Variants in TFRC observed in about 807,000 individuals in gnomAD.
TFRC encodes the protein transferrin receptor.
In TFRC, 35 loss-of-function variants were observed where a neutral mutation model predicts 85.8. That is an observed-to-expected ratio of 0.41 (90% confidence interval 0.31 to 0.54). The LOEUF is 0.54. Among genes scored for constraint, TFRC ranks in the 20% least tolerant of loss-of-function variants. The pLI is 0.31. For missense variants in TFRC, 828 were observed against 921.5 expected (o/e 0.90, Z 1.31); for synonymous variants, 362 against 328.6 (o/e 1.10, Z -1.10).
intron 14 of TFRC, among the ~76,000 whole-genome samples, chr3:196,059,579 A>G (rs1344593648): frequency 6.6e-6 from 1 of 151,970 alleles, no homozygotes; most frequent in Non-Finnish European, 1.5e-5. Flanking sequence ...CTCTAATCCC[A>G]TTAGGCAAAT....
chr3:196,064,714 A>C (rs751676840), intron 10 of TFRC, among the ~76,000 whole-genome samples: 10 of 152,198 alleles, frequency 6.6e-5, no homozygotes, highest in Non-Finnish European at 1.2e-4. Flanking sequence ...ATTGCATTTA[A>C]AGTTAACTCC....
intron 13 of TFRC, 174 bp from the exon 14 acceptor site, chr3:196,060,421 G>A (rs992601176): frequency 6.6e-6 from 4 of 610,550 alleles, no homozygotes; most frequent in South Asian, 2.0e-5. Flanking sequence ...AAGCTCTTTA[G>A]CAACTAAGCT....
chr3:196,066,208 C>T (rs1385491006), intron 9 of TFRC, among the ~76,000 whole-genome samples: 1 of 152,146 alleles, frequency 6.6e-6, no homozygotes, highest in Non-Finnish European at 1.5e-5. Context: ...AAATGAAGTT[C>T]TTCTAATATA....
chr3:196,055,646 T>C (rs1195496069), intron 16 of TFRC: 3 of 337,516 alleles, frequency 8.9e-6, no homozygotes, highest in East Asian at 6.9e-5. Context: ...AAAGAGAAGA[T>C]ACATGAAACA....
rs752460628 is a variant in TFRC at position 196,053,437 on chromosome 3, A to T, written c.2021T>A (p.Leu674His). 2 of 1,614,158 alleles carry T rather than the reference A, an allele frequency of 1.2e-6. No homozygotes were observed. The highest frequency in any genetic ancestry group is 1.7e-5 in the Admixed American group (1 of 60,018). ...ACTTACTCTCATGACACGATCATTG[A>T]GTTTCTTCATGACAAATCTGTCTGT... ...EKTDRFVMKK[L>H]NDRVMRVEYH... is the part of the protein sequence containing the mutation. The change falls in exon 18 of 19, where the codon CTC becomes CAC. Residue 674 changes from leucine (L) to histidine (H), a missense_variant. Transcript: ENST00000360110.
chr3:196,054,058 A>G (rs556492676), intron 17 of TFRC, among the ~76,000 whole-genome samples: 1 of 152,018 alleles, frequency 6.6e-6, no homozygotes, highest in Non-Finnish European at 1.5e-5. Flanking sequence ...CCAACATGGT[A>G]AAACCCCGGC....
rs1412651588 is a variant in TFRC at position 196,049,660 on chromosome 3, A to ATG, written c.*2280_*2281dup. 4.4e-6 allele frequency: 1 copy of ATG among 228,516 alleles called. No homozygotes were observed. The highest frequency in any genetic ancestry group is 8.7e-6 in the Non-Finnish European group (1 of 115,182). The allele number at this position is 228,516 out of a possible 1,614,324, so 14.2% of individuals were successfully genotyped here. A position where few individuals can be genotyped will look rare whatever the true frequency, so the allele number is the denominator to read the frequency against. ...GAAGAGACTCACTGCTGCAAAATGC[A>ATG]TGCCCTGTATTCATATTGTGTTATA... On this transcript the variant is annotated 3_prime_UTR_variant, in exon 19 of 19. Transcript: ENST00000360110.
Position 196,066,523 on chromosome 3 carries a change from G to A in TFRC, c.1041-923C>T, listed in dbSNP as rs1269174499. ...TACCCAAATAATAGCTGCTCCTAAG[G>A]GGGCTTACTTACATAAATATAGGTT... On this transcript the variant is annotated intron_variant, in intron 9 of 18. Transcript: ENST00000360110. Among the ~76,000 whole-genome samples the A allele has an allele frequency of 3.3e-5, 5 of 152,230 alleles. No individual in the cohort carries two copies. The East Asian group carries it at 7.7e-4, about 24-fold the overall frequency.
At chr3:196,068,776 A>T (rs927232137) in intron 7 of TFRC, among the ~76,000 whole-genome samples, 3 of 151,112 alleles carry the variant, frequency 2.0e-5, no homozygotes, top group African/African-American at 7.3e-5. Flanking sequence ...AAAAATGCAA[A>T]AATTAGCCAG....
intron 10 of TFRC, among the ~76,000 whole-genome samples, chr3:196,064,833 A>C (rs934262731): frequency 6.6e-6 from 1 of 152,250 alleles, no homozygotes; most frequent in Non-Finnish European, 1.5e-5. Flanking sequence ...ATAGCCTGGC[A>C]AAAGGTTTAT....
In TFRC at chr3:196,055,185, C is replaced by T; in HGVS notation, c.1794G>A (p.Val598=). 6 of 1,614,208 alleles carry T rather than the reference C, an allele frequency of 3.7e-6. No individual in the cohort carries two copies. Among genetic ancestry groups the T allele is most frequent in the Non-Finnish European group, 4.2e-6 (5 of 1,180,038 alleles). Residue 598 remains valine, a synonymous_variant, in exon 17 of 19, where the codon GTG becomes GTA. Coordinates refer to ENST00000360110, the MANE Select transcript of TFRC (RefSeq NM_001128148.3). ...RAAAEVAGQF[V]IKLTHDVELN... Reference sequence around the variant, plus strand: ...ATTCAACATCATGGGTTAGTTTAATCACGAACTGACCAGCGACCTCTGCAG... The same window carrying T: ...ATTCAACATCATGGGTTAGTTTAATTACGAACTGACCAGCGACCTCTGCAG...
In TFRC at chr3:196,050,277, A is replaced by G. The variant is rs920218029; in HGVS notation, c.*1665T>C. 16 of 222,036 alleles carry G rather than the reference A, an allele frequency of 7.2e-5. No individual in the cohort carries two copies. The highest frequency in any genetic ancestry group is 1.3e-4 in the Non-Finnish European group (14 of 111,198). 13.8% of individuals were successfully genotyped at this position (222,036 alleles called of 1,614,324 possible). ...ACCTGGAGAAACCATAAAGGTAACAAAAACCCAAGCTAAATTTCAAATTTT... is the reference window on the plus strand; with the variant it reads ...ACCTGGAGAAACCATAAAGGTAACAGAAACCCAAGCTAAATTTCAAATTTT... On this transcript the variant is annotated 3_prime_UTR_variant, in exon 19 of 19. Coordinates refer to ENST00000360110, the MANE Select transcript of TFRC (RefSeq NM_001128148.3).
chr3:196,061,855 T>G (rs551631671), intron 13 of TFRC, among the ~76,000 whole-genome samples: 1 of 152,298 alleles, frequency 6.6e-6, no homozygotes, highest in South Asian at 2.1e-4. Flanking sequence ...GACATGACAG[T>G]TTGCATTCGT....
At chr3:196,066,128 CT>C (rs1242289169) in intron 9 of TFRC, among the ~76,000 whole-genome samples, 1 of 14,826 alleles carries the variant, frequency 6.7e-5, no homozygotes, top group Non-Finnish European at 2.4e-4. Context: ...AAACACTTCT[CT>C]AACTATGCGC....
At chr3:196,052,395 G>A (rs1343346641) in intron 18 of TFRC, among the ~76,000 whole-genome samples, 1 of 149,280 alleles carries the variant, frequency 6.7e-6, no homozygotes, top group Non-Finnish European at 1.5e-5. Flanking sequence ...CACCTCCCGA[G>A]TTCAAGCAAT....
Position 196,070,807 on chromosome 3 carries a change from T to TAATAATAATAATAATAAA in TFRC, c.687+588_687+589insTTTATTATTATTATTATT, listed in dbSNP as rs978226944. 2.7e-3 allele frequency among the ~76,000 whole-genome samples: 396 copies of TAATAATAATAATAATAAA among 144,556 alleles called. 2 individuals are homozygous for TAATAATAATAATAATAAA. The highest frequency in any genetic ancestry group is 7.8e-3 in the South Asian group (35 of 4,506). The allele number at this position is 144,556 out of a possible 152,430, so 94.8% of individuals were successfully genotyped here. ...ATAATAATAATAATAATAATAATAA[T>TAATAATAATAATAATAAA]AAAATAAAAAATAAAAATTAACTGG... On this transcript the variant is annotated intron_variant, in intron 6 of 18. Transcript: ENST00000360110.
chr3:196,065,413 G>A (rs762536001), intron 10 of TFRC, 30 bp downstream of exon 10: 8 of 769,582 alleles, frequency 1.0e-5, no homozygotes, highest in African/African-American at 6.5e-5. Flanking sequence ...AAAAAAAAGC[G>A]GGGCGGGGGG....
At chr3:196,065,422 G>GGC (rs1717644713) in intron 10 of TFRC, 21 bp downstream of exon 10, 3 of 501,658 alleles carry the variant, frequency 6.0e-6, no homozygotes, top group Non-Finnish European at 8.0e-6. Context: ...CGGGGCGGGG[G>GGC]GGGGGGGGGG....
intron 1 of TFRC, 78 bp from the exon 2 acceptor site, chr3:196,077,200 G>A (rs1040947174): frequency 5.0e-6 from 5 of 993,246 alleles, no homozygotes; most frequent in Non-Finnish European, 7.6e-6. Context: ...CAGGCTAAAT[G>A]ATACATTAAA....
Sources: allele counts gnomAD v4.1 joint callset (sites outside exome capture counted in the v4.1 genomes callset), GRCh38; gene constraint gnomAD v4.1.1; transcripts MANE v1.5; gene names NCBI Gene and HGNC (gene_info 2026-07-23, HGNC 2026-07-21).